CADPS2: variants seen among roughly 807,000 people sequenced by gnomAD.
CADPS2 encodes the protein calcium dependent secretion activator 2.
Under a neutral mutation model 172.5 loss-of-function variants are expected in CADPS2, and 93 were observed. The observed-to-expected ratio is 0.54, with a 90% CI of 0.46 to 0.64. The LOEUF (loss-of-function observed/expected upper bound fraction) is 0.64. Ranked by LOEUF, CADPS2 falls within the 30% of genes least tolerant of loss-of-function variation. The pLI, the probability that CADPS2 is intolerant of heterozygous loss-of-function variation, is 0.00. For synonymous variants in CADPS2, 546 were observed against 555.2 expected, an observed-to-expected ratio of 0.98 and a Z score of 0.23; for missense variants, 1,420 against 1,565.9, an observed-to-expected ratio of 0.91 and a Z score of 1.57.
chr7:122,717,032 T>C (rs1357855126), intron 2 of CADPS2, among the ~76,000 whole-genome samples: 1 of 152,166 alleles, frequency 6.6e-6, no homozygotes, highest in Non-Finnish European at 1.5e-5. Context: ...ATTTGCCACT[T>C]AGAACTTTAT....
intron 1 of CADPS2, among the ~76,000 whole-genome samples, chr7:122,809,057 C>G (rs1032252995): frequency 4.6e-5 from 7 of 152,150 alleles, no homozygotes; most frequent in Admixed American, 3.3e-4. Context: ...GTTACCAAAA[C>G]AAGGATGTTT....
chr7:122,703,592 A>G (rs1295861304), intron 2 of CADPS2, among the ~76,000 whole-genome samples: 5 of 152,158 alleles, frequency 3.3e-5, no homozygotes, highest in African/African-American at 2.4e-5. Context: ...AAGAAAATAG[A>G]GACGGCCCTA....
chr7:122,589,901 A>C (rs537542957), intron 6 of CADPS2, among the ~76,000 whole-genome samples: 2 of 152,026 alleles, frequency 1.3e-5, no homozygotes, highest in East Asian at 1.9e-4. Context: ...GCAATCATTT[A>C]TTGAGGTATA....
chr7:122,821,218 T>C (rs981824842), intron 1 of CADPS2, among the ~76,000 whole-genome samples: 2 of 152,158 alleles, frequency 1.3e-5, no homozygotes, highest in South Asian at 4.2e-4. Context: ...CTCACCCTGA[T>C]CATGCTTGAT....
At chr7:122,837,738 G>A (rs1003432017) in intron 1 of CADPS2, among the ~76,000 whole-genome samples, 4 of 152,106 alleles carry the variant, frequency 2.6e-5, no homozygotes, top group Non-Finnish European at 4.4e-5. Context: ...GGAAGAAGTT[G>A]AATCCCTGAA....
chr7:122,830,049 C>T (rs1211724085), intron 1 of CADPS2, among the ~76,000 whole-genome samples: 1 of 151,768 alleles, frequency 6.6e-6, no homozygotes, highest in Admixed American at 6.6e-5. Context: ...AAGTAGGGAC[C>T]ATTATCACTG....
At chr7:122,772,939 TTC>T (rs1359689749) in intron 1 of CADPS2, among the ~76,000 whole-genome samples, 1 of 152,062 alleles carries the variant, frequency 6.6e-6, no homozygotes, top group African/African-American at 2.4e-5. Context: ...TAGACAAAAT[TTC>T]TGTTTATCAA....
chr7:122,351,643 G>A (rs796781852), intron 27 of CADPS2, among the ~76,000 whole-genome samples: 2 of 151,968 alleles, frequency 1.3e-5, no homozygotes, highest in Admixed American at 6.6e-5. Flanking sequence ...ATTTCTAAGG[G>A]GCTGTTCCAT....
chr7:122,798,853 G>A (rs747458982), intron 1 of CADPS2, among the ~76,000 whole-genome samples: 1 of 151,700 alleles, frequency 6.6e-6, no homozygotes, highest in Non-Finnish European at 1.5e-5. Flanking sequence ...CTTGATTTTT[G>A]CAAGACAGGG....
intron 6 of CADPS2, among the ~76,000 whole-genome samples, chr7:122,592,008 G>A (rs2070887793): frequency 6.6e-6 from 1 of 151,758 alleles, no homozygotes; most frequent in Non-Finnish European, 1.5e-5. Context: ...AAACTAAAGA[G>A]CTTCTGCACA....
intron 1 of CADPS2, among the ~76,000 whole-genome samples, chr7:122,810,392 G>T (rs1449253798): frequency 6.6e-6 from 1 of 152,056 alleles, no homozygotes; most frequent in Admixed American, 6.5e-5. Context: ...TGTCTTCCAG[G>T]TCATATGTAT....
intron 1 of CADPS2, among the ~76,000 whole-genome samples, chr7:122,821,914 C>T (rs1027308694): frequency 2.0e-5 from 3 of 152,100 alleles, no homozygotes; most frequent in Non-Finnish European, 2.9e-5. Flanking sequence ...TGTATAGATG[C>T]TCCTTTTTAT....
intron 14 of CADPS2, among the ~76,000 whole-genome samples, chr7:122,464,953 G>A (rs558806496): frequency 1.3e-5 from 2 of 152,228 alleles, no homozygotes; most frequent in South Asian, 4.1e-4. Context: ...ATAACATTAA[G>A]GGAAACGGAA....
chr7:122,610,192 C>T (rs556261925), intron 6 of CADPS2, among the ~76,000 whole-genome samples: 1 of 151,766 alleles, frequency 6.6e-6, no homozygotes, highest in East Asian at 1.9e-4. Context: ...ATAATACTTC[C>T]TCTCAGGTTT....
intron 3 of CADPS2, among the ~76,000 whole-genome samples, chr7:122,655,036 GA>G (rs1341465096): frequency 7.2e-5 from 11 of 152,198 alleles, no homozygotes; most frequent in African/African-American, 2.4e-4. Flanking sequence ...ATTAGAAACA[GA>G]AGTGGAGCCT....
chr7:122,592,145 AAAAC>A (rs549618267), intron 6 of CADPS2, among the ~76,000 whole-genome samples: 171 of 152,286 alleles, frequency 1.1e-3, no homozygotes, highest in Non-Finnish European at 2.2e-3. Flanking sequence ...TTACAAGAAA[AAAAC>A]AAACAACCCC....
intron 9 of CADPS2, among the ~76,000 whole-genome samples, chr7:122,506,778 A>G (rs1175786895): frequency 6.6e-6 from 1 of 151,960 alleles, no homozygotes; most frequent in Non-Finnish European, 1.5e-5. Context: ...TTTAATCATG[A>G]AAAATGAATA....
At chr7:122,681,023 G>A (rs547458056) in intron 2 of CADPS2, among the ~76,000 whole-genome samples, 1,687 of 150,452 alleles carry the variant, frequency 0.011, 29 homozygotes, top group African/African-American at 0.039. Context: ...GTAAACTATC[G>A]CAAGAACAAA....
chr7:122,676,500 T>C (rs2082395695), intron 2 of CADPS2: 1 of 422,026 alleles, frequency 2.4e-6, no homozygotes, highest in Non-Finnish European at 4.2e-6. Context: ...GTATCTCGAC[T>C]GCTCACTACA....
Sources: allele counts gnomAD v4.1 joint callset (sites outside exome capture counted in the v4.1 genomes callset), GRCh38; gene constraint gnomAD v4.1.1; transcripts MANE v1.5; gene names NCBI Gene and HGNC (gene_info 2026-07-23, HGNC 2026-07-21).